Variants in LRRC4C observed in about 807,000 individuals in gnomAD.
The protein encoded by LRRC4C is leucine-rich repeat-containing protein 4C.
LRRC4C carries 5 observed loss-of-function variants against 33.6 expected under a neutral mutation model. That is an observed-to-expected ratio of 0.15 (90% CI 0.08 to 0.31). The LOEUF (loss-of-function observed/expected upper bound fraction) is 0.31, where lower values mean the gene tolerates loss of function less well. Ranked by LOEUF, LRRC4C falls within the 10% of genes least tolerant of loss-of-function variation. The pLI is 1.00. For synonymous variants in LRRC4C, 329 were observed against 302.0 expected (o/e 1.09, Z -0.93); for missense variants, 560 against 796.7 (o/e 0.70, Z 3.58).
chr11:40,529,711 T>C lies in LRRC4C; in HGVS notation c.-270+118431A>G, dbSNP rs190176836. Among the ~76,000 whole-genome samples, 22 of 152,310 alleles carry C rather than the reference T, an allele frequency of 1.4e-4. No homozygotes were observed. The East Asian group carries it at 2.7e-3, about 19-fold the overall frequency. Reference sequence around the variant, plus strand: ...TTTGAAAAACACTGCATTGAACTTATTGAAAGTAACACATCATTCACAGAA... The same window carrying C: ...TTTGAAAAACACTGCATTGAACTTACTGAAAGTAACACATCATTCACAGAA... On this transcript the variant is annotated intron_variant, in intron 3 of 6. Coordinates refer to ENST00000528697, the MANE Select transcript of LRRC4C (RefSeq NM_001258419.2).
At chr11:41,307,015 G>T (rs2137146029) in intron 1 of LRRC4C, among the ~76,000 whole-genome samples, 1 of 152,268 alleles carries the variant, frequency 6.6e-6, no homozygotes, top group African/African-American at 2.4e-5. Flanking sequence ...CTTTGGCTTT[G>T]TTACCAACAG....
intron 5 of LRRC4C, among the ~76,000 whole-genome samples, chr11:40,214,489 C>T (rs1863835465): frequency 1.3e-5 from 2 of 152,084 alleles, no homozygotes; most frequent in Non-Finnish European, 2.9e-5. Flanking sequence ...TCAAAATACT[C>T]CCTAATTCAT....
chr11:41,407,140 C>G (rs913825742), intron 1 of LRRC4C, among the ~76,000 whole-genome samples: 1 of 151,924 alleles, frequency 6.6e-6, no homozygotes, highest in African/African-American at 2.4e-5. Flanking sequence ...TGTCTATGGA[C>G]CACGAAAAAA....
intron 2 of LRRC4C, among the ~76,000 whole-genome samples, chr11:40,751,634 C>T (rs1461550063): frequency 2.0e-5 from 3 of 152,088 alleles, no homozygotes; most frequent in African/African-American, 7.2e-5. Context: ...ATCCCATGCT[C>T]ATGAATTGGA....
At chr11:40,402,863 T>C (rs1254077322) in intron 3 of LRRC4C, among the ~76,000 whole-genome samples, 2 of 152,132 alleles carry the variant, frequency 1.3e-5, no homozygotes, top group African/African-American at 4.8e-5. Flanking sequence ...AGAGATTATT[T>C]GTCCTAATAG....
At chr11:40,616,595 T>A (rs1428675072) in intron 3 of LRRC4C, among the ~76,000 whole-genome samples, 1 of 151,684 alleles carries the variant, frequency 6.6e-6, no homozygotes, top group Non-Finnish European at 1.5e-5. Flanking sequence ...AAATGATGAG[T>A]TCATGTCCTT....
intron 1 of LRRC4C, among the ~76,000 whole-genome samples, chr11:41,160,451 GA>G (rs970635511): frequency 3.9e-4 from 59 of 151,122 alleles, no homozygotes; most frequent in African/African-American, 1.4e-3. Flanking sequence ...TTTACCACTA[GA>G]AATTTTTATC....
chr11:40,667,188 T>A (rs1289758711), intron 2 of LRRC4C, among the ~76,000 whole-genome samples: 1 of 152,212 alleles, frequency 6.6e-6, no homozygotes. Context: ...CAAGTAACTT[T>A]ACCTATATGA....
At chr11:41,156,268 G>T (rs1944229573) in intron 1 of LRRC4C, among the ~76,000 whole-genome samples, 1 of 151,978 alleles carries the variant, frequency 6.6e-6, no homozygotes, top group Non-Finnish European at 1.5e-5. Context: ...CCACGATATT[G>T]ACCACCGGTG....
At chr11:40,270,527 G>A (rs1477426424) in intron 4 of LRRC4C, among the ~76,000 whole-genome samples, 1 of 151,962 alleles carries the variant, frequency 6.6e-6, no homozygotes, top group Non-Finnish European at 1.5e-5. Context: ...GAAGCATTGG[G>A]TGATCAGGAC....
At chr11:41,090,934 C>A (rs577649998) in intron 1 of LRRC4C, among the ~76,000 whole-genome samples, 2 of 152,104 alleles carry the variant, frequency 1.3e-5, no homozygotes, top group Non-Finnish European at 2.9e-5. Context: ...TTATAAATTA[C>A]CCAGTCTCAG....
At chr11:40,925,615 G>C (rs1836581624) in intron 2 of LRRC4C, among the ~76,000 whole-genome samples, 1 of 152,134 alleles carries the variant, frequency 6.6e-6, no homozygotes, top group Admixed American at 6.6e-5. Flanking sequence ...ATAACAAAAG[G>C]AAAGTTATAA....
At chr11:40,662,598 T>A in intron 2 of LRRC4C, among the ~76,000 whole-genome samples, 1 of 152,158 alleles carries the variant, frequency 6.6e-6, no homozygotes, top group Non-Finnish European at 1.5e-5. Context: ...GCCAGGGAAA[T>A]TCAGTTCTGA....
chr11:40,396,503 A>T (rs1949546578), intron 3 of LRRC4C, among the ~76,000 whole-genome samples: 1 of 152,098 alleles, frequency 6.6e-6, no homozygotes, highest in Non-Finnish European at 1.5e-5. Context: ...TCAAACTGAA[A>T]ATGTTTGGAG....
At chr11:40,877,927 A>C (rs1183736574) in intron 2 of LRRC4C, among the ~76,000 whole-genome samples, 1 of 152,186 alleles carries the variant, frequency 6.6e-6, no homozygotes, top group African/African-American at 2.4e-5. Flanking sequence ...TATTACAATG[A>C]ACCTGTAATT....
rs59024961 is a variant in LRRC4C at position 40,150,058 on chromosome 11, T to C, written c.-95-9205A>G. Among the ~76,000 whole-genome samples the C allele has an allele frequency of 4.9e-3, 739 of 152,328 alleles. 7 individuals are homozygous for C. Among genetic ancestry groups the C allele is most frequent in the African/African-American group, 0.017 (690 of 41,578 alleles). On this transcript the variant is annotated intron_variant, in intron 5 of 6. Transcript: ENST00000528697. ...GCCCTAGGGGAGAATTCTTCCTTGC[T>C]TTTTCCAACTTTGGTGGCTCTAGGT...
At chr11:40,756,241 G>A (rs1170996588) in intron 2 of LRRC4C, among the ~76,000 whole-genome samples, 2 of 152,118 alleles carry the variant, frequency 1.3e-5, no homozygotes, top group African/African-American at 4.8e-5. Context: ...AAGCCATTTA[G>A]TCTATGGTCT....
At chr11:40,278,086 TTAAG>T in intron 4 of LRRC4C, among the ~76,000 whole-genome samples, 1 of 152,312 alleles carries the variant, frequency 6.6e-6, no homozygotes, top group African/African-American at 2.4e-5. Flanking sequence ...TAAGTAAGAA[TTAAG>T]TAAGTACAGT....
At chr11:41,231,991 A>G (rs1320988871) in intron 1 of LRRC4C, among the ~76,000 whole-genome samples, 1 of 151,778 alleles carries the variant, frequency 6.6e-6, no homozygotes, top group South Asian at 2.1e-4. Context: ...CTTATTTTTC[A>G]TAGGGTTCTA....
Sources: gnomAD v4.1 joint callset for allele counts (sites outside exome capture counted in the v4.1 genomes callset) on GRCh38, gnomAD v4.1.1 for gene constraint, MANE v1.5 for transcripts, NCBI Gene and HGNC (gene_info 2026-07-23, HGNC 2026-07-21) for gene names.